The following SAMD5 variants were observed in gnomAD, a reference collection of about 807,000 sequenced individuals.
SAMD5 encodes the protein sterile alpha motif domain containing 5.
Under a neutral mutation model 11.3 loss-of-function variants are expected in SAMD5, and 13 were observed. That is an observed-to-expected ratio of 1.15 (90% CI 0.75 to 1.83). The LOEUF (loss-of-function observed/expected upper bound fraction) is 1.83. Ranked by LOEUF, SAMD5 falls within the 40% of genes most tolerant of loss-of-function variation. The pLI is 0.00. For synonymous variants in SAMD5, 129 were observed against 111.3 expected (o/e 1.16, Z -1.00); for missense variants, 255 against 239.1 (o/e 1.07, Z -0.44).
chr6:147,759,557 T>C, the SAMD5 span, among the ~76,000 whole-genome samples: 1 of 150,824 alleles, frequency 6.6e-6, no homozygotes, highest in Non-Finnish European at 1.5e-5. Context: ...ATATATCTAA[T>C]ATGTATAACT....
chr6:147,645,640 T>C (rs1198521623), intron 1 of SAMD5, among the ~76,000 whole-genome samples: 2 of 152,134 alleles, frequency 1.3e-5, no homozygotes, highest in Admixed American at 6.6e-5. Flanking sequence ...TAGTTTTATA[T>C]AGGAGCAGGG....
intron 1 of SAMD5, among the ~76,000 whole-genome samples, chr6:147,603,807 C>T (rs1789658696): frequency 6.6e-6 from 1 of 151,966 alleles, no homozygotes; most frequent in East Asian, 1.9e-4. Context: ...ACAACAACAA[C>T]AACAAAAAAC....
intron 1 of SAMD5, among the ~76,000 whole-genome samples, chr6:147,667,724 C>T (rs1393798712): frequency 6.6e-6 from 1 of 152,200 alleles, no homozygotes; most frequent in Non-Finnish European, 1.5e-5. Flanking sequence ...CTGCATGTCT[C>T]CTAGAATTAC....
chr6:147,671,461 T>C (rs1790794802), intron 1 of SAMD5, among the ~76,000 whole-genome samples: 1 of 152,176 alleles, frequency 6.6e-6, no homozygotes, highest in South Asian at 2.1e-4. Context: ...TACGGATTAA[T>C]ATATCTGTAG....
intron 1 of SAMD5, among the ~76,000 whole-genome samples, chr6:147,534,866 A>G (rs532752297): frequency 3.9e-5 from 6 of 152,198 alleles, no homozygotes; most frequent in Non-Finnish European, 8.8e-5. Context: ...AAAGCAATCT[A>G]GTCCCCAGGC....
chr6:147,785,367 C>A, the SAMD5 span, among the ~76,000 whole-genome samples: 2 of 152,144 alleles, frequency 1.3e-5, no homozygotes, highest in Non-Finnish European at 2.9e-5. Context: ...CCCACCACTG[C>A]CCCCAATCAG....
At chr6:147,793,546 G>A in the SAMD5 span, among the ~76,000 whole-genome samples, 1 of 152,240 alleles carries the variant, frequency 6.6e-6, no homozygotes, top group Non-Finnish European at 1.5e-5. Context: ...CATATAGCCA[G>A]TATCATGCCA....
intron 1 of SAMD5, among the ~76,000 whole-genome samples, chr6:147,592,803 C>T (rs1583098696): frequency 6.6e-6 from 1 of 152,218 alleles, no homozygotes; most frequent in African/African-American, 2.4e-5. Flanking sequence ...TGGGATCCGA[C>T]ATGGAGTAGG....
At chr6:147,924,149 C>T in the SAMD5 span, among the ~76,000 whole-genome samples, 1 of 152,028 alleles carries the variant, frequency 6.6e-6, no homozygotes, top group African/African-American at 2.4e-5. Flanking sequence ...GAAGTGGGAC[C>T]TTGCCAATGG....
chr6:147,937,602 G>A, the SAMD5 span, among the ~76,000 whole-genome samples: 3 of 152,132 alleles, frequency 2.0e-5, no homozygotes, highest in South Asian at 2.1e-4. Context: ...GGCAGGACTC[G>A]CTAGGAAAAA....
At chr6:147,848,227 A>C in the SAMD5 span, among the ~76,000 whole-genome samples, 1 of 152,152 alleles carries the variant, frequency 6.6e-6, no homozygotes, top group African/African-American at 2.4e-5. Flanking sequence ...ATCGCTGTAC[A>C]TTTGCCTCAG....
At chr6:147,842,202 G>T in the SAMD5 span, among the ~76,000 whole-genome samples, 1 of 152,072 alleles carries the variant, frequency 6.6e-6, no homozygotes, top group Admixed American at 6.5e-5. Flanking sequence ...GGGTGACTCA[G>T]TTATTTTCTC....
At chr6:147,727,309 G>T (rs1217735011) in intron 1 of SAMD5, among the ~76,000 whole-genome samples, 4 of 152,142 alleles carry the variant, frequency 2.6e-5, no homozygotes, top group Non-Finnish European at 5.9e-5. Context: ...GAGCAGCAAC[G>T]TTTCCTCCTC....
At chr6:147,856,246 G>T in the SAMD5 span, among the ~76,000 whole-genome samples, 1 of 152,140 alleles carries the variant, frequency 6.6e-6, no homozygotes, top group Non-Finnish European at 1.5e-5. Flanking sequence ...TTTAGTGAAA[G>T]AAAGTCAATA....
intron 1 of SAMD5, among the ~76,000 whole-genome samples, chr6:147,697,652 A>T (rs1239039415): frequency 6.6e-6 from 1 of 152,248 alleles, no homozygotes; most frequent in Admixed American, 6.5e-5. Flanking sequence ...GGGTTTATAT[A>T]GCAAGGAAGA....
chr6:147,895,637 C>T, the SAMD5 span, among the ~76,000 whole-genome samples: 1 of 152,158 alleles, frequency 6.6e-6, no homozygotes, highest in Non-Finnish European at 1.5e-5. Context: ...AGGCTTGATT[C>T]CGTTACACTG....
At chr6:147,927,633 T>G in the SAMD5 span, among the ~76,000 whole-genome samples, 2 of 152,156 alleles carry the variant, frequency 1.3e-5, no homozygotes, top group African/African-American at 2.4e-5. Flanking sequence ...TTGACATCCT[T>G]TCTTCCTACT....
intron 1 of SAMD5, among the ~76,000 whole-genome samples, chr6:147,520,451 A>G (rs1788235836): frequency 6.6e-6 from 1 of 152,232 alleles, no homozygotes; most frequent in African/African-American, 2.4e-5. Context: ...ACTGACAGTG[A>G]GTAAACCATT....
At chr6:147,577,147 G>GATC (rs963364451) in intron 1 of SAMD5, among the ~76,000 whole-genome samples, 8 of 152,324 alleles carry the variant, frequency 5.3e-5, no homozygotes, top group Admixed American at 1.3e-4. Flanking sequence ...GTACTTCACA[G>GATC]TGATGAAAGT....
Sources: gnomAD v4.1 joint callset for allele counts (sites outside exome capture counted in the v4.1 genomes callset) on GRCh38, gnomAD v4.1.1 for gene constraint, MANE v1.5 for transcripts, NCBI Gene and HGNC (gene_info 2026-07-23, HGNC 2026-07-21) for gene names.